Variants in ADGRL3 observed in about 807,000 individuals in gnomAD.
The protein encoded by ADGRL3 is calcium-independent alpha-latrotoxin receptor 3.
A neutral mutation model predicts 153.5 loss-of-function variants in ADGRL3; 62 were observed. The ratio of observed to expected loss-of-function variants is 0.40; its 90% confidence interval spans 0.33 to 0.50. The LOEUF (loss-of-function observed/expected upper bound fraction) is 0.50. Among genes scored for constraint, ADGRL3 ranks in the 20% least tolerant of loss-of-function variants. The pLI is 0.47. For missense variants in ADGRL3, 1,641 were observed against 1,859.4 expected (o/e 0.88, Z 2.16); for synonymous variants, 710 against 672.5 (o/e 1.06, Z -0.86).
intron 9 of ADGRL3, among the ~76,000 whole-genome samples, chr4:61,871,233 G>C (rs149429085): frequency 6.6e-6 from 1 of 150,478 alleles, no homozygotes; most frequent in African/African-American, 2.5e-5. Context: ...AGCAGAGATC[G>C]CACCACTGCA....
chr4:61,789,592 A>C (rs1337941168), intron 8 of ADGRL3, among the ~76,000 whole-genome samples: 1 of 152,208 alleles, frequency 6.6e-6, no homozygotes, highest in African/African-American at 2.4e-5. Flanking sequence ...TGCTAGTAAT[A>C]GGAAACTAAC....
At chr4:61,723,592 T>C (rs1345013747) in intron 6 of ADGRL3, among the ~76,000 whole-genome samples, 1 of 152,064 alleles carries the variant, frequency 6.6e-6, no homozygotes, top group Non-Finnish European at 1.5e-5. Flanking sequence ...TGAAAAAAAC[T>C]GGCCCTCCCA....
At chr4:61,702,398 G>A (rs2095783447) in intron 6 of ADGRL3, among the ~76,000 whole-genome samples, 1 of 152,158 alleles carries the variant, frequency 6.6e-6, no homozygotes, top group African/African-American at 2.4e-5. Context: ...TTTTTCAGTA[G>A]CTATACAACT....
At chr4:61,529,197 T>C (rs1037933065) in intron 4 of ADGRL3, among the ~76,000 whole-genome samples, 1 of 152,192 alleles carries the variant, frequency 6.6e-6, no homozygotes, top group African/African-American at 2.4e-5. Context: ...AATATGTCTG[T>C]AGCTTACTAA....
At chr4:61,792,493 A>T (rs867226778) in intron 8 of ADGRL3, among the ~76,000 whole-genome samples, 1,785 of 109,960 alleles carry the variant, frequency 0.016, 43 homozygotes, top group African/African-American at 0.072. Flanking sequence ...TATTTATTTT[A>T]TTATTTTTTT....
chr4:61,390,349 C>T (rs2096788036), intron 2 of ADGRL3, among the ~76,000 whole-genome samples: 1 of 152,016 alleles, frequency 6.6e-6, no homozygotes, highest in African/African-American at 2.4e-5. Context: ...TAATCCACGG[C>T]ATTGAAAAAA....
chr4:61,698,340 T>C (rs941450374), intron 6 of ADGRL3, among the ~76,000 whole-genome samples: 4 of 151,972 alleles, frequency 2.6e-5, no homozygotes, highest in Non-Finnish European at 5.9e-5. Context: ...TAGTCCCAGC[T>C]ACTTGGGAGG....
intron 1 of ADGRL3, among the ~76,000 whole-genome samples, chr4:61,366,681 A>C (rs1298385994): frequency 6.6e-6 from 1 of 152,132 alleles, no homozygotes; most frequent in African/African-American, 2.4e-5. Flanking sequence ...AATATTTTTT[A>C]GTAAATTTGC....
chr4:61,956,014 T>G (rs2098964952), intron 17 of ADGRL3, among the ~76,000 whole-genome samples: 1 of 152,228 alleles, frequency 6.6e-6, no homozygotes, highest in African/African-American at 2.4e-5. Context: ...CATGTATCTT[T>G]ATAGTAGAAT....
intron 15 of ADGRL3, among the ~76,000 whole-genome samples, chr4:61,939,688 T>A (rs1233362368): frequency 1.3e-5 from 2 of 152,080 alleles, no homozygotes; most frequent in Non-Finnish European, 2.9e-5. Flanking sequence ...CAGGCTGGTC[T>A]TGAATTCCTG....
chr4:61,392,702 A>G (rs1187352425), intron 2 of ADGRL3, among the ~76,000 whole-genome samples: 4 of 146,538 alleles, frequency 2.7e-5, no homozygotes, highest in African/African-American at 5.0e-5. Flanking sequence ...AAAAAAAAAA[A>G]AAAAGAAAAA....
intron 8 of ADGRL3, among the ~76,000 whole-genome samples, chr4:61,763,440 C>T (rs1296847976): frequency 6.6e-6 from 1 of 151,870 alleles, no homozygotes; most frequent in African/African-American, 2.4e-5. Flanking sequence ...TGCCTCAGCC[C>T]TCAAAGTAAG....
At chr4:61,746,242 C>T (rs1580586253) in intron 8 of ADGRL3, among the ~76,000 whole-genome samples, 1 of 152,020 alleles carries the variant, frequency 6.6e-6, no homozygotes, top group African/African-American at 2.4e-5. Flanking sequence ...ACTTATACTC[C>T]CACATATTAA....
intron 6 of ADGRL3, among the ~76,000 whole-genome samples, chr4:61,725,843 C>T (rs554907496): frequency 1.3e-5 from 2 of 152,174 alleles, no homozygotes; most frequent in Middle Eastern, 3.4e-3. Context: ...ATTAGACAAA[C>T]GGCAGGACTC....
intron 8 of ADGRL3, among the ~76,000 whole-genome samples, chr4:61,738,695 A>T (rs913183220): frequency 6.6e-6 from 1 of 152,130 alleles, no homozygotes; most frequent in Non-Finnish European, 1.5e-5. Flanking sequence ...CACATTTTTT[A>T]AAATCCCTAC....
At chr4:61,241,597 G>A (rs1018106829) in intron 1 of ADGRL3, among the ~76,000 whole-genome samples, 3 of 151,970 alleles carry the variant, frequency 2.0e-5, no homozygotes, top group Non-Finnish European at 2.9e-5. Flanking sequence ...GAAACAAAAT[G>A]TGCAGTTTGA....
At chr4:61,913,288 G>T (rs1200172117) in intron 13 of ADGRL3, among the ~76,000 whole-genome samples, 1 of 152,090 alleles carries the variant, frequency 6.6e-6, no homozygotes, top group African/African-American at 2.4e-5. Context: ...CGGCTGACAT[G>T]TTCTAATTTG....
At chr4:61,768,449 C>T (rs1011124807) in intron 8 of ADGRL3, among the ~76,000 whole-genome samples, 3 of 151,912 alleles carry the variant, frequency 2.0e-5, no homozygotes, top group Non-Finnish European at 2.9e-5. Context: ...AGATTTGGGA[C>T]GAGTTGCACT....
At chr4:61,735,462 T>C (rs1399331408) in intron 8 of ADGRL3, among the ~76,000 whole-genome samples, 1 of 152,216 alleles carries the variant, frequency 6.6e-6, no homozygotes. Flanking sequence ...GCTGTACAGG[T>C]AAGGTTTTTT....
Sources: allele counts gnomAD v4.1 joint callset (sites outside exome capture counted in the v4.1 genomes callset), GRCh38; gene constraint gnomAD v4.1.1; transcripts MANE v1.5; gene names NCBI Gene and HGNC (gene_info 2026-07-23, HGNC 2026-07-21).